The following NREP variants were observed in gnomAD, a reference collection of about 807,000 sequenced individuals.
NREP encodes neuronal regeneration-related protein.
A neutral mutation model predicts 8.6 loss-of-function variants in NREP; 5 were observed. The ratio of observed to expected loss-of-function variants is 0.58; its 90% CI spans 0.30 to 1.22. The LOEUF (loss-of-function observed/expected upper bound fraction) is 1.22, where lower values mean the gene tolerates loss of function less well. Ranked by LOEUF, NREP falls within the 50% of genes most tolerant of loss-of-function variation. The probability of loss-of-function intolerance (pLI) is 0.07; values close to 1 mark genes in which losing one functional copy is unlikely to be tolerated. For synonymous variants in NREP, 27 were observed against 28.0 expected, an observed-to-expected ratio of 0.96 and a Z score of 0.11; for missense variants, 86 against 82.5, an observed-to-expected ratio of 1.04 and a Z score of -0.17.
chr5:111,918,465 A>G (rs571001005), intron 2 of NREP, among the ~76,000 whole-genome samples: 50 of 152,324 alleles, frequency 3.3e-4, no homozygotes, highest in African/African-American at 1.2e-3. Flanking sequence ...TAACTATACT[A>G]CATGGCTACA....
At chr5:111,888,095 G>A (rs1754305017) in intron 2 of NREP, among the ~76,000 whole-genome samples, 1 of 152,196 alleles carries the variant, frequency 6.6e-6, no homozygotes, top group East Asian at 1.9e-4. Flanking sequence ...TTTGAGGTGA[G>A]GGTCAGCTAA....
chr5:111,850,808 G>T (rs1324051481), intron 2 of NREP, among the ~76,000 whole-genome samples: 1 of 152,136 alleles, frequency 6.6e-6, no homozygotes, highest in African/African-American at 2.4e-5. Context: ...GGGTGTCTAG[G>T]TTTGATCACA....
intron 2 of NREP, among the ~76,000 whole-genome samples, chr5:111,772,352 A>C (rs1751251088): frequency 6.6e-6 from 1 of 152,182 alleles, no homozygotes; most frequent in Admixed American, 6.6e-5. Flanking sequence ...TTTGAAATAC[A>C]ATTCATTTGT....
chr5:111,747,893 A>C (rs1750106821), intron 2 of NREP, among the ~76,000 whole-genome samples: 1 of 152,164 alleles, frequency 6.6e-6, no homozygotes, highest in African/African-American at 2.4e-5. Context: ...TAGATTAGAA[A>C]CCATTCTAAG....
intron 2 of NREP, among the ~76,000 whole-genome samples, chr5:111,766,789 A>T (rs996907518): frequency 2.0e-5 from 3 of 152,188 alleles, no homozygotes; most frequent in African/African-American, 7.2e-5. Context: ...GGTGAAGGAG[A>T]AGGGCCAAAG....
At chr5:111,800,182 C>A (rs1012910797) in intron 2 of NREP, among the ~76,000 whole-genome samples, 4 of 152,078 alleles carry the variant, frequency 2.6e-5, no homozygotes, top group African/African-American at 9.7e-5. Context: ...CCCGCCTCGG[C>A]CTCCCAAAGT....
chr5:111,861,180 G>A (rs1436002705), intron 2 of NREP, among the ~76,000 whole-genome samples: 1 of 152,174 alleles, frequency 6.6e-6, no homozygotes, highest in Non-Finnish European at 1.5e-5. Context: ...CAGAGATCAG[G>A]AAGTTTCCTA....
At chr5:111,763,226 AC>A (rs901749394) in intron 2 of NREP, among the ~76,000 whole-genome samples, 26 of 152,356 alleles carry the variant, frequency 1.7e-4, no homozygotes, top group African/African-American at 5.8e-4. Context: ...AGGGAGGAAC[AC>A]AAAATATCAG....
intron 2 of NREP, among the ~76,000 whole-genome samples, chr5:111,884,396 C>A (rs564642944): frequency 2.0e-5 from 3 of 151,964 alleles, no homozygotes; most frequent in Admixed American, 2.0e-4. Context: ...ACCAGAGGTA[C>A]AAGGAGGAAC....
intron 2 of NREP, chr5:111,975,164 A>G: frequency 2.8e-6 from 2 of 724,052 alleles, no homozygotes; most frequent in Non-Finnish European, 4.8e-6. Context: ...TCACGGGGCA[A>G]TGGTGGGAAT....
chr5:111,741,068 A>AT (rs1554095113), intron 2 of NREP, among the ~76,000 whole-genome samples: 1 of 152,174 alleles, frequency 6.6e-6, no homozygotes, highest in Non-Finnish European at 1.5e-5. Context: ...GTTAACGACC[A>AT]TAACTGTAAT....
At chr5:111,748,056 G>T (rs1290558180) in intron 2 of NREP, among the ~76,000 whole-genome samples, 4 of 152,132 alleles carry the variant, frequency 2.6e-5, no homozygotes, top group African/African-American at 9.7e-5. Flanking sequence ...ACGCATAGTG[G>T]CGCCCCACAG....
chr5:111,788,106 A>T (rs1168870841), intron 2 of NREP, among the ~76,000 whole-genome samples: 2 of 152,192 alleles, frequency 1.3e-5, no homozygotes, highest in Non-Finnish European at 2.9e-5. Context: ...CAACAACAAG[A>T]AAAATCAAAA....
chr5:111,967,017 G>C (rs1756661706), intron 2 of NREP, among the ~76,000 whole-genome samples: 1 of 152,190 alleles, frequency 6.6e-6, no homozygotes, highest in South Asian at 2.1e-4. Context: ...CATGTCTAAA[G>C]ACATTTTTAT....
chr5:111,930,771 G>T (rs2112597496), intron 2 of NREP, among the ~76,000 whole-genome samples: 1 of 152,244 alleles, frequency 6.6e-6, no homozygotes, highest in East Asian at 1.9e-4. Flanking sequence ...GTCACTCACA[G>T]CAGTCTCTCT....
In NREP at chr5:111,844,188, A is replaced by C. The variant is rs149342950; in HGVS notation, c.136-108681T>G. ...GTGAAAAAAGAATGCTACTGTGGAA[A>C]TCCAAAATAAGTATAAAATGTGTAA... On this transcript the variant is annotated intron_variant, in intron 2 of 3. Coordinates refer to the NREP transcript ENST00000395634. Among the ~76,000 whole-genome samples the C allele has an allele frequency of 2.0e-5, 3 of 152,292 alleles. No homozygotes were observed. The East Asian group carries it at 5.8e-4, about 29-fold the overall frequency.
intron 2 of NREP, among the ~76,000 whole-genome samples, chr5:111,966,573 G>C (rs186956753): frequency 6.6e-6 from 1 of 151,980 alleles, no homozygotes; most frequent in Non-Finnish European, 1.5e-5. Flanking sequence ...ATATAGATTT[G>C]ATAAGACAGG....
chr5:111,910,044 G>A (rs895650606), intron 2 of NREP, among the ~76,000 whole-genome samples: 1 of 152,052 alleles, frequency 6.6e-6, no homozygotes, highest in Non-Finnish European at 1.5e-5. Context: ...ATAATTTACT[G>A]TTATCATATA....
chr5:111,847,295 T>G (rs1239272017), intron 2 of NREP, among the ~76,000 whole-genome samples: 1 of 152,118 alleles, frequency 6.6e-6, no homozygotes, highest in East Asian at 1.9e-4. Context: ...TCATGGCCTT[T>G]CCTTAGTGCA....
Sources: gnomAD v4.1 joint callset for allele counts (sites outside exome capture counted in the v4.1 genomes callset) on GRCh38, gnomAD v4.1.1 for gene constraint, MANE v1.5 for transcripts, NCBI Gene and HGNC (gene_info 2026-07-23, HGNC 2026-07-21) for gene names.